The following LYPD6 variants were observed in gnomAD, a reference collection of about 807,000 sequenced individuals.
LYPD6 encodes the protein LY6/PLAUR domain containing 6.
Under a neutral mutation model 22.7 loss-of-function variants are expected in LYPD6, and 15 were observed. The ratio of observed to expected loss-of-function variants is 0.66; its 90% CI spans 0.44 to 1.02. The LOEUF is 1.02. Among genes scored for constraint, LYPD6 ranks in the 50% least tolerant of loss-of-function variants. The pLI, the probability that LYPD6 is intolerant of heterozygous loss-of-function variation, is 0.00. For missense variants in LYPD6, 189 were observed against 208.4 expected (o/e 0.91, Z 0.57); for synonymous variants, 72 against 77.5 (o/e 0.93, Z 0.37).
intron 1 of LYPD6, among the ~76,000 whole-genome samples, chr2:149,382,309 G>C (rs1324845696): frequency 1.3e-5 from 2 of 152,134 alleles, no homozygotes; most frequent in Non-Finnish European, 1.5e-5. Flanking sequence ...CTCATACAAT[G>C]CTAATTGTGC....
chr2:149,388,752 T>A (rs1233943823), intron 1 of LYPD6, among the ~76,000 whole-genome samples: 1 of 152,212 alleles, frequency 6.6e-6, no homozygotes. Context: ...TTAATTTTGC[T>A]GGAGTTGGAA....
At chr2:149,431,568 G>A (rs984753447) in intron 1 of LYPD6, among the ~76,000 whole-genome samples, 1 of 152,152 alleles carries the variant, frequency 6.6e-6, no homozygotes, top group Non-Finnish European at 1.5e-5. Flanking sequence ...TTTACTGCAG[G>A]AATGTAAACA....
At position 149,417,109 on chromosome 2, in the gene LYPD6, G is replaced by A. The variant is rs566114245; in HGVS notation, c.-71-20529G>A. On this transcript the variant is annotated intron_variant, in intron 1 of 4. Transcript: ENST00000334166. ...AATAGAACCCAGCTCATGATGGGTA[G>A]TTCCAGATTCAGGATCACTCATTAT... Among the ~76,000 whole-genome samples the A allele has an allele frequency of 2.0e-5, 3 of 152,274 alleles. No individual in the cohort carries two copies. The East Asian group carries it at 5.8e-4, about 29-fold the overall frequency.
At chr2:149,331,882 C>A (rs911236178) in intron 1 of LYPD6, among the ~76,000 whole-genome samples, 31 of 152,188 alleles carry the variant, frequency 2.0e-4, no homozygotes, top group Admixed American at 1.9e-3. Flanking sequence ...TCTGCTCTGG[C>A]CAGCCATTGC....
intron 1 of LYPD6, among the ~76,000 whole-genome samples, chr2:149,406,616 C>A (rs1304348230): frequency 1.3e-5 from 2 of 152,152 alleles, no homozygotes; most frequent in Admixed American, 6.5e-5. Flanking sequence ...TATTTTGAGC[C>A]TATGTGTGTC....
chr2:149,373,878 T>A (rs918656424), intron 1 of LYPD6, among the ~76,000 whole-genome samples: 1 of 152,240 alleles, frequency 6.6e-6, no homozygotes, highest in Admixed American at 6.5e-5. Flanking sequence ...ATCTAGTTTC[T>A]TTAGCTATTT....
At chr2:149,432,052 G>A (rs549253999) in intron 1 of LYPD6, among the ~76,000 whole-genome samples, 1 of 152,274 alleles carries the variant, frequency 6.6e-6, no homozygotes, top group African/African-American at 2.4e-5. Flanking sequence ...CAAAATCAGC[G>A]TGAGATATAC....
intron 2 of LYPD6, among the ~76,000 whole-genome samples, chr2:149,445,090 A>G (rs1433180096): frequency 6.6e-6 from 1 of 152,240 alleles, no homozygotes; most frequent in African/African-American, 2.4e-5. Context: ...TGAAAACGAC[A>G]TTAATTTCCT....
At chr2:149,386,005 C>T (rs1682176185) in intron 1 of LYPD6, among the ~76,000 whole-genome samples, 1 of 152,072 alleles carries the variant, frequency 6.6e-6, no homozygotes, top group South Asian at 2.1e-4. Flanking sequence ...TCAGAATCCC[C>T]CCCCAAGACC....
At chr2:149,458,656 G>T (rs1365293521) in intron 3 of LYPD6, among the ~76,000 whole-genome samples, 1 of 152,122 alleles carries the variant, frequency 6.6e-6, no homozygotes, top group African/African-American at 2.4e-5. Flanking sequence ...TTTTAAAGCA[G>T]CCATAATAAA....
chr2:149,449,188 C>T (rs774340342), intron 3 of LYPD6, 41 bp downstream of exon 3: 7 of 1,389,608 alleles, frequency 5.0e-6, no homozygotes, highest in East Asian at 2.3e-5. Context: ...CTGGGCTGTC[C>T]GTGAGTGAAC....
At chr2:149,365,130 G>T (rs1008436188) in intron 1 of LYPD6, among the ~76,000 whole-genome samples, 1 of 152,174 alleles carries the variant, frequency 6.6e-6, no homozygotes, top group African/African-American at 2.4e-5. Flanking sequence ...CTAATTCACA[G>T]TAGTGTCACT....
intron 2 of LYPD6, among the ~76,000 whole-genome samples, chr2:149,438,628 C>G (rs77952158): frequency 0.017 from 2,552 of 152,332 alleles, 27 homozygotes; most frequent in Non-Finnish European, 0.028. Context: ...GTTTGAGTGT[C>G]CACTGTGTGT....
chr2:149,486,083 TTATTA>T, the LYPD6 span, among the ~76,000 whole-genome samples: 3 of 152,202 alleles, frequency 2.0e-5, no homozygotes, highest in African/African-American at 7.2e-5. Context: ...ACAGTATTCA[TTATTA>T]TATTACACTT....
intron 1 of LYPD6, among the ~76,000 whole-genome samples, chr2:149,373,534 C>T (rs969024703): frequency 1.3e-5 from 2 of 152,036 alleles, no homozygotes; most frequent in African/African-American, 4.8e-5. Flanking sequence ...AGTACAAGGA[C>T]AGCAAGGAGA....
chr2:149,378,450 A>G (rs1464936115), intron 1 of LYPD6, among the ~76,000 whole-genome samples: 1 of 152,188 alleles, frequency 6.6e-6, no homozygotes, highest in Non-Finnish European at 1.5e-5. Flanking sequence ...TTGTCCCATC[A>G]TTTCATGTTA....
chr2:149,427,607 T>C (rs1267533365), intron 1 of LYPD6, among the ~76,000 whole-genome samples: 2 of 152,212 alleles, frequency 1.3e-5, no homozygotes, highest in Admixed American at 6.5e-5. Context: ...TCCTTTAGAA[T>C]TGTGAATACA....
intron 1 of LYPD6, among the ~76,000 whole-genome samples, chr2:149,424,524 C>A (rs953704963): frequency 1.3e-5 from 2 of 152,202 alleles, no homozygotes; most frequent in Non-Finnish European, 2.9e-5. Context: ...AAAGCCCATT[C>A]ATTGTCCTTA....
At chr2:149,453,886 C>T (rs1295493162) in intron 3 of LYPD6, among the ~76,000 whole-genome samples, 1 of 152,144 alleles carries the variant, frequency 6.6e-6, no homozygotes, top group African/African-American at 2.4e-5. Context: ...TCTCTGTTGT[C>T]TCTCTGAATC....
Sources: gnomAD v4.1 joint callset for allele counts (sites outside exome capture counted in the v4.1 genomes callset) on GRCh38, gnomAD v4.1.1 for gene constraint, MANE v1.5 for transcripts, NCBI Gene and HGNC (gene_info 2026-07-23, HGNC 2026-07-21) for gene names.